ZNF385D: variants seen among roughly 807,000 people sequenced by gnomAD.
ZNF385D encodes the protein zinc finger protein 385D.
A neutral mutation model predicts 35.8 loss-of-function variants in ZNF385D; 15 were observed. The observed-to-expected ratio is 0.42, with a 90% CI of 0.28 to 0.64. The LOEUF (loss-of-function observed/expected upper bound fraction) is 0.64. Among genes scored for constraint, ZNF385D ranks in the 30% least tolerant of loss-of-function variants. The pLI, the probability that ZNF385D is intolerant of heterozygous loss-of-function variation, is 0.23. For synonymous variants in ZNF385D, 212 were observed against 186.8 expected (o/e 1.13, Z -1.10); for missense variants, 474 against 494.6 (o/e 0.96, Z 0.39).
At chr3:22,008,086 C>A (rs548268692) in intron 3 of ZNF385D, among the ~76,000 whole-genome samples, 1 of 152,014 alleles carries the variant, frequency 6.6e-6, no homozygotes, top group East Asian at 1.9e-4. Context: ...TCCAATTTTA[C>A]TTTTTACATG....
At chr3:21,738,319 T>A (rs1012772784) in intron 1 of ZNF385D, among the ~76,000 whole-genome samples, 5 of 152,208 alleles carry the variant, frequency 3.3e-5, no homozygotes, top group African/African-American at 1.2e-4. Flanking sequence ...TTGGGTATGA[T>A]CTGACTTGGC....
chr3:21,441,716 A>C, intron 4 of ZNF385D: 1 of 985,426 alleles, frequency 1.0e-6, no homozygotes, highest in Non-Finnish European at 1.2e-6. Flanking sequence ...AATAAACCAC[A>C]GGGCTTCATT....
At chr3:21,812,647 G>A (rs1265589630) in intron 3 of ZNF385D, among the ~76,000 whole-genome samples, 1 of 152,248 alleles carries the variant, frequency 6.6e-6, no homozygotes, top group Non-Finnish European at 1.5e-5. Flanking sequence ...AAGGCTGGGG[G>A]AGGGGAGTGC....
chr3:22,365,350 A>G (rs929240959), intron 2 of ZNF385D, among the ~76,000 whole-genome samples: 5 of 152,094 alleles, frequency 3.3e-5, no homozygotes. Flanking sequence ...AAAAAAATTG[A>G]AAAACAAAAA....
rs377672379 is a variant in ZNF385D at position 22,179,227 on chromosome 3, G to T, written c.107-10192C>A. On this transcript the variant is annotated intron_variant, in intron 2 of 5. Coordinates refer to the ZNF385D transcript ENST00000494108. ...TCTTCCTACCCATGAGCATGGAATG[G>T]TCTTCCATTTGTTTGTATCCTCTTT... Among the ~76,000 whole-genome samples the T allele has an allele frequency of 6.1e-3, 932 of 152,104 alleles. 11 individuals carry two copies. The highest frequency in any genetic ancestry group is 5.8e-3 in the Non-Finnish European group (396 of 67,970).
At chr3:21,705,195 C>A (rs2067852079) in intron 1 of ZNF385D, among the ~76,000 whole-genome samples, 1 of 152,138 alleles carries the variant, frequency 6.6e-6, no homozygotes, top group African/African-American at 2.4e-5. Context: ...GAAATATCTG[C>A]AAGTACAATG....
chr3:21,895,896 T>C (rs564806559), intron 3 of ZNF385D, among the ~76,000 whole-genome samples: 118 of 152,240 alleles, frequency 7.8e-4, no homozygotes, highest in African/African-American at 2.8e-3. Context: ...TCCTAGAAGT[T>C]TGATTTACAT....
chr3:21,994,752 G>C (rs189091780), intron 3 of ZNF385D, among the ~76,000 whole-genome samples: 231 of 152,256 alleles, frequency 1.5e-3, no homozygotes, highest in African/African-American at 5.3e-3. Flanking sequence ...CTTTGGCTTT[G>C]ATTTTTGGAT....
intron 2 of ZNF385D, among the ~76,000 whole-genome samples, chr3:21,624,289 T>C (rs2065079824): frequency 6.6e-6 from 1 of 151,998 alleles, no homozygotes; most frequent in Non-Finnish European, 1.5e-5. Flanking sequence ...GAGTCCTGCT[T>C]TGTCCTGCAT....
intron 3 of ZNF385D, among the ~76,000 whole-genome samples, chr3:21,869,998 C>A (rs911078375): frequency 6.6e-6 from 1 of 151,972 alleles, no homozygotes; most frequent in Non-Finnish European, 1.5e-5. Context: ...TTATATCCCA[C>A]TGTGGATTTT....
chr3:21,856,843 G>A (rs916963549), intron 3 of ZNF385D, among the ~76,000 whole-genome samples: 3 of 152,106 alleles, frequency 2.0e-5, no homozygotes, highest in East Asian at 3.9e-4. Flanking sequence ...CTTAAATTAC[G>A]GATCAAAGGA....
chr3:21,619,871 G>A lies in ZNF385D; in HGVS notation c.165+45015C>T, dbSNP rs78838434. ...TGTGCCTGAGAAAGAATGAGGGAAA[G>A]TGGAAGCTAGGAAGCTCTTGCAAAC... On this transcript the variant is annotated intron_variant, in intron 2 of 7. Transcript: ENST00000281523. Among the ~76,000 whole-genome samples the A allele has an allele frequency of 7.9e-5, 12 of 152,294 alleles. No individual in the cohort carries two copies. The East Asian group carries it at 2.3e-3, about 29-fold the overall frequency.
intron 2 of ZNF385D, among the ~76,000 whole-genome samples, chr3:21,593,531 A>C (rs2064042623): frequency 6.6e-6 from 1 of 152,276 alleles, no homozygotes; most frequent in South Asian, 2.1e-4. Context: ...GAAGTAAATA[A>C]AAGCCTTTTG....
In ZNF385D at chr3:21,665,025, C is replaced by A; in HGVS notation, c.26G>T (p.Gly9Val). The change falls in exon 2 of 8, where the codon GGT becomes GTT. Residue 9 changes from glycine (G) to valine (V), a missense_variant. Transcript: ENST00000281523. MRNIMYFG[G>V]TCQSPALPAL... ...CGGGAGAGCAGGACTCTGGCATGTA[C>A]CACCTGTGAAGACCAGAGCAAAGGG... The A allele has an allele frequency of 6.2e-7, 1 of 1,608,016 alleles. No individual in the cohort carries two copies. Among genetic ancestry groups the A allele is most frequent in the Non-Finnish European group, 8.5e-7 (1 of 1,177,118 alleles).
At chr3:21,505,740 C>T (rs963495935) in intron 4 of ZNF385D, among the ~76,000 whole-genome samples, 2 of 152,130 alleles carry the variant, frequency 1.3e-5, no homozygotes, top group Admixed American at 6.6e-5. Flanking sequence ...GCCTTCATGT[C>T]CCTGTTTCAG....
intron 2 of ZNF385D, among the ~76,000 whole-genome samples, chr3:22,171,157 T>C (rs1013076487): frequency 6.6e-6 from 1 of 152,216 alleles, no homozygotes; most frequent in Admixed American, 6.5e-5. Flanking sequence ...GCCAAAGAAC[T>C]TATTTCCTCC....
chr3:21,768,688 T>G (rs2070941596), intron 3 of ZNF385D, among the ~76,000 whole-genome samples: 1 of 152,112 alleles, frequency 6.6e-6, no homozygotes, highest in South Asian at 2.1e-4. Context: ...CTTTGATCAC[T>G]GACTGTTTCT....
At chr3:22,099,312 G>A (rs1317394952) in intron 3 of ZNF385D, among the ~76,000 whole-genome samples, 1 of 152,074 alleles carries the variant, frequency 6.6e-6, no homozygotes, top group Non-Finnish European at 1.5e-5. Flanking sequence ...GATAACTTGA[G>A]GAAAGGGCTG....
intron 3 of ZNF385D, among the ~76,000 whole-genome samples, chr3:22,134,917 C>T (rs939930096): frequency 1.3e-4 from 20 of 152,164 alleles, no homozygotes; most frequent in Non-Finnish European, 1.8e-4. Flanking sequence ...TAGGTCCAAC[C>T]TTCCAACACT....
Sources: allele counts gnomAD v4.1 joint callset (sites outside exome capture counted in the v4.1 genomes callset), GRCh38; gene constraint gnomAD v4.1.1; transcripts MANE v1.5; gene names NCBI Gene and HGNC (gene_info 2026-07-23, HGNC 2026-07-21).